The following AGBL4 variants were observed in gnomAD, a reference collection of about 807,000 sequenced individuals.
AGBL4 encodes the protein AGBL carboxypeptidase 4.
Under a neutral mutation model 66.4 loss-of-function variants are expected in AGBL4, and 58 were observed. The ratio of observed to expected loss-of-function variants is 0.87; its 90% confidence interval spans 0.71 to 1.09. The LOEUF (loss-of-function observed/expected upper bound fraction) is 1.09. Among genes scored for constraint, AGBL4 ranks in the 50% least tolerant of loss-of-function variants. The pLI is 0.00. For missense variants in AGBL4, 579 were observed against 631.0 expected, an observed-to-expected ratio of 0.92 and a Z score of 0.88; for synonymous variants, 234 against 222.9, an observed-to-expected ratio of 1.05 and a Z score of -0.44.
intron 3 of AGBL4, among the ~76,000 whole-genome samples, chr1:49,576,785 G>A (rs1393897772): frequency 6.6e-5 from 10 of 152,126 alleles, no homozygotes; most frequent in Non-Finnish European, 1.5e-4. Flanking sequence ...ATGGCCTCAT[G>A]GGGAGTTCCC....
chr1:48,992,512 G>C (rs1660677692), intron 5 of AGBL4, among the ~76,000 whole-genome samples: 1 of 151,934 alleles, frequency 6.6e-6, no homozygotes, highest in Non-Finnish European at 1.5e-5. Flanking sequence ...GAGGGCCCTA[G>C]AACTCTACAA....
intron 8 of AGBL4, among the ~76,000 whole-genome samples, chr1:48,653,111 G>T (rs1281454866): frequency 6.6e-6 from 1 of 152,138 alleles, no homozygotes; most frequent in Admixed American, 6.5e-5. Context: ...CTGATTCCTG[G>T]TCCAGTGAGC....
intron 3 of AGBL4, among the ~76,000 whole-genome samples, chr1:49,285,266 G>A (rs1294673487): frequency 1.3e-5 from 2 of 152,138 alleles, no homozygotes; most frequent in Non-Finnish European, 2.9e-5. Flanking sequence ...GCTCCTGAAT[G>A]ACTACTGGAT....
At chr1:48,761,389 T>C (rs1644248541) in intron 6 of AGBL4, 1 of 1,551,846 alleles carries the variant, frequency 6.4e-7, no homozygotes, top group South Asian at 1.2e-5. Context: ...AACCTCTCCA[T>C]CTTCTTCTAC....
At chr1:49,171,099 C>T (rs1035632004) in intron 4 of AGBL4, among the ~76,000 whole-genome samples, 3 of 152,150 alleles carry the variant, frequency 2.0e-5, no homozygotes, top group African/African-American at 7.2e-5. Context: ...GTTAATGTCA[C>T]ATTGCAAAAG....
At chr1:48,982,425 T>A (rs1036383155) in intron 5 of AGBL4, among the ~76,000 whole-genome samples, 2 of 150,464 alleles carry the variant, frequency 1.3e-5, no homozygotes, top group African/African-American at 4.9e-5. Flanking sequence ...AATTCCCACC[T>A]ATGAGTGAGA....
At chr1:48,619,524 G>C (rs1333421081) in intron 9 of AGBL4, among the ~76,000 whole-genome samples, 1 of 152,102 alleles carries the variant, frequency 6.6e-6, no homozygotes, top group African/African-American at 2.4e-5. Context: ...TCCCCCTTCC[G>C]CTCTGCAGGG....
At chr1:49,023,425 C>A (rs1032707400) in intron 5 of AGBL4, among the ~76,000 whole-genome samples, 1 of 152,108 alleles carries the variant, frequency 6.6e-6, no homozygotes, top group Non-Finnish European at 1.5e-5. Context: ...GAGTCCCTTG[C>A]CCTCAATTTC....
At chr1:49,439,192 C>T (rs574412350) in intron 3 of AGBL4, among the ~76,000 whole-genome samples, 6 of 151,996 alleles carry the variant, frequency 3.9e-5, no homozygotes, top group South Asian at 2.1e-4. Context: ...AGGAGATGAA[C>T]GTAAAAGAAA....
At chr1:49,313,722 AT>A (rs1415730967) in intron 3 of AGBL4, among the ~76,000 whole-genome samples, 4 of 151,074 alleles carry the variant, frequency 2.6e-5, no homozygotes, top group African/African-American at 9.7e-5. Context: ...TGATGGGGTT[AT>A]TTTTTTCTTG....
intron 1 of AGBL4, among the ~76,000 whole-genome samples, chr1:49,931,213 T>C (rs1299685675): frequency 1.3e-5 from 2 of 152,300 alleles, no homozygotes; most frequent in East Asian, 3.9e-4. Context: ...ACTATCTCTA[T>C]ATTATAAACT....
intron 2 of AGBL4, among the ~76,000 whole-genome samples, chr1:49,737,813 C>G (rs368358114): frequency 1.3e-5 from 2 of 152,296 alleles, no homozygotes; most frequent in East Asian, 3.9e-4. Context: ...GCAAAACTTA[C>G]CATCAAAACT....
At chr1:49,243,187 C>A (rs1040404112) in intron 4 of AGBL4, among the ~76,000 whole-genome samples, 1 of 151,364 alleles carries the variant, frequency 6.6e-6, no homozygotes, top group African/African-American at 2.4e-5. Flanking sequence ...GGAGGTAATA[C>A]CCTAGACAAG....
chr1:49,103,746 G>A (rs182141444), intron 4 of AGBL4, among the ~76,000 whole-genome samples: 77 of 152,194 alleles, frequency 5.1e-4, no homozygotes, highest in Non-Finnish European at 9.1e-4. Context: ...AGGGAAATTT[G>A]GATACAGAGA....
chr1:48,902,908 C>T (rs1652222569), intron 5 of AGBL4, among the ~76,000 whole-genome samples: 2 of 152,144 alleles, frequency 1.3e-5, no homozygotes, highest in South Asian at 4.1e-4. Flanking sequence ...ACTTGTGAGG[C>T]CTTCTAAGAC....
At chr1:49,227,649 T>C (rs1317577041) in intron 4 of AGBL4, among the ~76,000 whole-genome samples, 1 of 152,216 alleles carries the variant, frequency 6.6e-6, no homozygotes. Context: ...TAGCATATTC[T>C]AAAATTTCTT....
At chr1:49,806,053 G>A (rs1416688273) in intron 2 of AGBL4, among the ~76,000 whole-genome samples, 1 of 152,164 alleles carries the variant, frequency 6.6e-6, no homozygotes, top group Non-Finnish European at 1.5e-5. Context: ...AACTGTAATG[G>A]GTAAAGGATG....
chr1:49,769,231 C>G (rs1643984561), intron 2 of AGBL4, among the ~76,000 whole-genome samples: 1 of 152,082 alleles, frequency 6.6e-6, no homozygotes, highest in South Asian at 2.1e-4. Flanking sequence ...CACACACACA[C>G]ACACACATAC....
rs115887416 is a variant in AGBL4, at chr1:49,216,631, C to G, written c.377+29139G>C. 1.9e-3 allele frequency among the ~76,000 whole-genome samples: 288 copies of G among 152,134 alleles called. 3 individuals are homozygous for G. The highest frequency in any genetic ancestry group is 6.7e-3 in the African/African-American group (278 of 41,526). ...GTGTAGTATTCCATAGTATATATTT[C>G]CATAGTATATATATATCACATTTTC... On this transcript the variant is annotated intron_variant, in intron 4 of 13. Coordinates refer to ENST00000371839, the MANE Select transcript of AGBL4 (RefSeq NM_032785.4).
Sources: allele counts gnomAD v4.1 joint callset (sites outside exome capture counted in the v4.1 genomes callset), GRCh38; gene constraint gnomAD v4.1.1; transcripts MANE v1.5; gene names NCBI Gene and HGNC (gene_info 2026-07-23, HGNC 2026-07-21).